Variants in FGF12 observed in about 807,000 individuals in gnomAD.
FGF12 encodes fibroblast growth factor 12B.
Under a neutral mutation model 23.6 loss-of-function variants are expected in FGF12, and 14 were observed. The observed-to-expected ratio is 0.59, with a 90% CI of 0.39 to 0.93. FGF12 has a LOEUF of 0.93. Ranked by LOEUF, FGF12 falls within the 40% of genes least tolerant of loss-of-function variation. FGF12 has a pLI of 0.00. For synonymous variants in FGF12, 62 were observed against 77.3 expected (o/e 0.80, Z 1.04); for missense variants, 175 against 217.8 (o/e 0.80, Z 1.24).
chr3:192,450,660 G>T, intron 2 of FGF12, among the ~76,000 whole-genome samples: 1 of 152,196 alleles, frequency 6.6e-6, no homozygotes, highest in South Asian at 2.1e-4. Context: ...AGAAAGAGAA[G>T]TTGGCACCTA....
chr3:192,703,129 C>T (rs552153445), intron 2 of FGF12, among the ~76,000 whole-genome samples: 12 of 152,268 alleles, frequency 7.9e-5, no homozygotes, highest in Admixed American at 7.2e-4. Flanking sequence ...ATCCCTTATC[C>T]TATAATTTTG....
chr3:192,558,310 A>G (rs1711872269), intron 2 of FGF12, among the ~76,000 whole-genome samples: 1 of 151,944 alleles, frequency 6.6e-6, no homozygotes, highest in Non-Finnish European at 1.5e-5. Flanking sequence ...AAAAGAAATT[A>G]AGAAAATAAT....
chr3:192,594,841 C>T (rs977726436), intron 2 of FGF12, among the ~76,000 whole-genome samples: 3 of 151,856 alleles, frequency 2.0e-5, no homozygotes, highest in African/African-American at 2.4e-5. Context: ...TATAAATTGC[C>T]GAATCTGTGA....
chr3:192,158,757 C>T (rs1377473262), intron 5 of FGF12, among the ~76,000 whole-genome samples: 3 of 147,118 alleles, frequency 2.0e-5, no homozygotes, highest in Non-Finnish European at 4.5e-5. Context: ...TTTTCCAAGA[C>T]AATAAACTGT....
chr3:192,667,565 G>A (rs1368675504), intron 2 of FGF12, among the ~76,000 whole-genome samples: 2 of 142,044 alleles, frequency 1.4e-5, no homozygotes, highest in Admixed American at 7.6e-5. Context: ...AGCCGAGATC[G>A]CTGCCACTGC....
chr3:192,592,827 C>G (rs1713684461), intron 2 of FGF12, among the ~76,000 whole-genome samples: 1 of 151,840 alleles, frequency 6.6e-6, no homozygotes, highest in African/African-American at 2.4e-5. Flanking sequence ...CTCATAGCTC[C>G]TCTAGTGCTA....
At chr3:192,154,967 T>C (rs9854264) in intron 5 of FGF12, among the ~76,000 whole-genome samples, 86,905 of 112,986 alleles carry the variant, frequency 0.77, 35,028 homozygotes, top group Non-Finnish European at 0.9. Flanking sequence ...ATCAGCGAGA[T>C]TCCGTGGGCG....
At chr3:192,686,639 G>A (rs1717744050) in intron 2 of FGF12, among the ~76,000 whole-genome samples, 1 of 151,910 alleles carries the variant, frequency 6.6e-6, no homozygotes, top group South Asian at 2.1e-4. Context: ...AAGTTATTTG[G>A]AGATCACAGG....
intron 2 of FGF12, among the ~76,000 whole-genome samples, chr3:192,518,935 CT>C (rs1036237595): frequency 4.6e-5 from 7 of 151,912 alleles, no homozygotes; most frequent in African/African-American, 1.7e-4. Flanking sequence ...TCTTCTTCAT[CT>C]TCGTTATCTC....
intron 2 of FGF12, among the ~76,000 whole-genome samples, chr3:192,679,665 A>G (rs891777776): frequency 4.6e-5 from 7 of 151,812 alleles, no homozygotes; most frequent in African/African-American, 1.7e-4. Flanking sequence ...AGACATCTAG[A>G]TTCATCTTCT....
At chr3:192,201,648 G>A (rs1330135174) in intron 4 of FGF12, among the ~76,000 whole-genome samples, 1 of 151,594 alleles carries the variant, frequency 6.6e-6, no homozygotes, top group Non-Finnish European at 1.5e-5. Context: ...GCCCATAACT[G>A]TGGAAACTCT....
At chr3:192,711,292 G>GGGGGT (rs1409823217) in intron 2 of FGF12, among the ~76,000 whole-genome samples, 1 of 127,040 alleles carries the variant, frequency 7.9e-6, no homozygotes, top group Non-Finnish European at 1.5e-5. Context: ...GAGGTGGGGG[G>GGGGGT]CAGCCCCCAC....
At chr3:192,447,803 A>G (rs1722404060) in intron 2 of FGF12, among the ~76,000 whole-genome samples, 1 of 152,210 alleles carries the variant, frequency 6.6e-6, no homozygotes, top group Non-Finnish European at 1.5e-5. Flanking sequence ...TCTTTTCTCT[A>G]TGAAACTGAC....
At chr3:192,670,576 A>G (rs1444450778) in intron 2 of FGF12, among the ~76,000 whole-genome samples, 3 of 152,200 alleles carry the variant, frequency 2.0e-5, no homozygotes, top group Non-Finnish European at 4.4e-5. Flanking sequence ...ATGTACATGT[A>G]TCCATTGGGA....
chr3:192,507,769 G>A lies in FGF12; in HGVS notation c.14-147231C>T, dbSNP rs78480514. Reference sequence around the variant, plus strand: ...TAATCTTCTGGCCTCAGCCTTTTAGGAACTGGAACTACAGGCACATCTACT... The same window carrying A: ...TAATCTTCTGGCCTCAGCCTTTTAGAAACTGGAACTACAGGCACATCTACT... On this transcript the variant is annotated intron_variant, in intron 2 of 5. Coordinates refer to ENST00000445105, the MANE Select transcript of FGF12 (RefSeq NM_004113.6). Among the ~76,000 whole-genome samples, 400 of 152,260 alleles carry A rather than the reference G, an allele frequency of 2.6e-3. 8 individuals are homozygous for A. In the East Asian group the frequency reaches 0.043, roughly 16 times the overall value.
At chr3:192,548,781 TTA>T (rs1307993529) in intron 2 of FGF12, among the ~76,000 whole-genome samples, 1 of 152,138 alleles carries the variant, frequency 6.6e-6, no homozygotes, top group Non-Finnish European at 1.5e-5. Flanking sequence ...ACTGATATTT[TTA>T]TTCATCTCAC....
At chr3:192,220,693 C>T (rs748565432) in intron 4 of FGF12, among the ~76,000 whole-genome samples, 3 of 152,148 alleles carry the variant, frequency 2.0e-5, no homozygotes, top group Non-Finnish European at 4.4e-5. Context: ...TAATAACTGA[C>T]TTCTATAAGA....
At chr3:192,329,644 C>T (rs1347844459) in intron 4 of FGF12, among the ~76,000 whole-genome samples, 1 of 152,150 alleles carries the variant, frequency 6.6e-6, no homozygotes, top group Non-Finnish European at 1.5e-5. Flanking sequence ...TCACCACTCC[C>T]AACCGAAATG....
intron 2 of FGF12, among the ~76,000 whole-genome samples, chr3:192,370,543 T>TA (rs1341346594): frequency 1.4e-5 from 2 of 143,772 alleles, no homozygotes; most frequent in Non-Finnish European, 3.0e-5. Context: ...AACCTGTATC[T>TA]AAAAAAAAGT....
Sources: gnomAD v4.1 joint callset for allele counts (sites outside exome capture counted in the v4.1 genomes callset) on GRCh38, gnomAD v4.1.1 for gene constraint, MANE v1.5 for transcripts, NCBI Gene and HGNC (gene_info 2026-07-23, HGNC 2026-07-21) for gene names.